Variants in SLC35D4 observed in about 807,000 individuals in gnomAD.
SLC35D4 encodes the protein UDP-N-acetylglucosamine transporter SLC35D4.
the SLC35D4 span, among the ~76,000 whole-genome samples, chr18:23,312,604 A>G: frequency 6.6e-6 from 1 of 152,066 alleles, no homozygotes; most frequent in Non-Finnish European, 1.5e-5. Flanking sequence ...CCCATTTTTA[A>G]TCTATTCGGT....
chr18:23,338,116 A>C, the SLC35D4 span, among the ~76,000 whole-genome samples: 1 of 152,238 alleles, frequency 6.6e-6, no homozygotes, highest in East Asian at 1.9e-4. Flanking sequence ...GTCTCCATGG[A>C]AACCACCAAA....
chr18:23,426,679 T>C, the SLC35D4 span, among the ~76,000 whole-genome samples: 1 of 152,196 alleles, frequency 6.6e-6, no homozygotes, highest in Non-Finnish European at 1.5e-5. Flanking sequence ...TTAAAGTTCA[T>C]ATGGAACCAA....
chr18:23,302,627 T>A, the SLC35D4 span, among the ~76,000 whole-genome samples: 2 of 152,366 alleles, frequency 1.3e-5, no homozygotes, highest in Non-Finnish European at 1.5e-5. Context: ...ATCCCCTACA[T>A]GGTGATCTCC....
chr18:23,288,466 C>T, the SLC35D4 span, among the ~76,000 whole-genome samples: 4 of 152,266 alleles, frequency 2.6e-5, no homozygotes, highest in East Asian at 5.8e-4. Context: ...TTTGCCCCTG[C>T]CCAGGACTGG....
the SLC35D4 span, among the ~76,000 whole-genome samples, chr18:23,346,961 G>T: frequency 6.6e-6 from 1 of 152,172 alleles, no homozygotes; most frequent in Non-Finnish European, 1.5e-5. Context: ...TGTTCATGAG[G>T]AATATTGGTA....
chr18:23,362,324 C>T, the SLC35D4 span, among the ~76,000 whole-genome samples: 1 of 152,128 alleles, frequency 6.6e-6, no homozygotes, highest in African/African-American at 2.4e-5. Flanking sequence ...GGGGACTGGG[C>T]GTGGTGGCTC....
At chr18:23,338,789 T>C in the SLC35D4 span, among the ~76,000 whole-genome samples, 1 of 152,216 alleles carries the variant, frequency 6.6e-6, no homozygotes, top group African/African-American at 2.4e-5. Context: ...CTCCAGGTTC[T>C]AGGACTTACA....
the SLC35D4 span, among the ~76,000 whole-genome samples, chr18:23,397,032 C>T: frequency 7.9e-5 from 12 of 152,240 alleles, no homozygotes; most frequent in Admixed American, 5.2e-4. Flanking sequence ...ACTAGACTGA[C>T]ATTTACCATG....
the SLC35D4 span, chr18:23,384,942 G>T: frequency 6.4e-7 from 1 of 1,568,736 alleles, no homozygotes; most frequent in South Asian, 1.1e-5. Context: ...GTACTTCTTT[G>T]AAATCTAAAA....
At chr18:23,287,228 G>A in the SLC35D4 span, among the ~76,000 whole-genome samples, 6,226 of 151,584 alleles carry the variant, frequency 0.041, 184 homozygotes, top group South Asian at 0.081. Flanking sequence ...TATCCACCCC[G>A]TGGTGCCAAA....
At chr18:23,400,285 G>C in the SLC35D4 span, among the ~76,000 whole-genome samples, 1 of 152,172 alleles carries the variant, frequency 6.6e-6, no homozygotes. Context: ...CTCACACACA[G>C]TGCATATCAC....
At chr18:23,346,581 G>C in the SLC35D4 span, among the ~76,000 whole-genome samples, 1 of 151,152 alleles carries the variant, frequency 6.6e-6, no homozygotes, top group Non-Finnish European at 1.5e-5. Flanking sequence ...ATGTTCAATA[G>C]AAATGGTGAA....
the SLC35D4 span, chr18:23,253,869 C>T: frequency 6.2e-7 from 1 of 1,614,224 alleles, no homozygotes; most frequent in South Asian, 1.1e-5. Flanking sequence ...TGTGCTGGGG[C>T]ATGTGTGCTG....
At chr18:23,276,993 G>A in the SLC35D4 span, among the ~76,000 whole-genome samples, 1 of 152,152 alleles carries the variant, frequency 6.6e-6, no homozygotes, top group Admixed American at 6.5e-5. Flanking sequence ...GCTGCAAATC[G>A]AACCACCTCA....
chr18:23,238,648 G>A, the SLC35D4 span, among the ~76,000 whole-genome samples: 1 of 152,214 alleles, frequency 6.6e-6, no homozygotes, highest in Non-Finnish European at 1.5e-5. Context: ...CAAGGAGGGA[G>A]CAACTGGTGT....
chr18:23,267,105 A>T, the SLC35D4 span, among the ~76,000 whole-genome samples: 1 of 152,206 alleles, frequency 6.6e-6, no homozygotes, highest in East Asian at 1.9e-4. Context: ...GCCGCCCCAC[A>T]GTGAGAGCTC....
At chr18:23,376,780 GTGAGACACC>G in the SLC35D4 span, 1 of 456,034 alleles carries the variant, frequency 2.2e-6, no homozygotes, top group South Asian at 1.5e-5. Flanking sequence ...ATACCCAAGG[GTGAGACACC>G]TGCCTGCCTT....
chr18:23,286,967 T>G, the SLC35D4 span, among the ~76,000 whole-genome samples: 1 of 151,186 alleles, frequency 6.6e-6, no homozygotes, highest in Non-Finnish European at 1.5e-5. Flanking sequence ...ATACCTCTAC[T>G]CCCTCCTTGG....
chr18:23,266,858 TTC>T, the SLC35D4 span, among the ~76,000 whole-genome samples: 1 of 152,220 alleles, frequency 6.6e-6, no homozygotes, highest in Non-Finnish European at 1.5e-5. Context: ...GCTTGTTGGA[TTC>T]TCTCACTCTC....
Sources: allele counts gnomAD v4.1 joint callset (sites outside exome capture counted in the v4.1 genomes callset), GRCh38; gene constraint gnomAD v4.1.1; transcripts MANE v1.5; gene names NCBI Gene and HGNC (gene_info 2026-07-23, HGNC 2026-07-21).